The following GOLGA8B variants were observed in gnomAD, a reference collection of about 807,000 sequenced individuals.
GOLGA8B encodes the protein golgin subfamily A member 8B.
A neutral mutation model predicts 15.6 loss-of-function variants in GOLGA8B; 1 was observed. The ratio of observed to expected loss-of-function variants is 0.06; its 90% CI spans 0.02 to 0.30. The LOEUF is 0.30. Ranked by LOEUF, GOLGA8B falls within the 10% of genes least tolerant of loss-of-function variation. The pLI is 1.00. For synonymous variants in GOLGA8B, 9 were observed against 80.3 expected (o/e 0.11, Z 4.75); for missense variants, 17 against 201.3 (o/e 0.08, Z 5.54).
intron 1 of GOLGA8B, among the ~76,000 whole-genome samples, chr15:34,577,892 T>C (rs1190494598): frequency 6.6e-6 from 1 of 152,216 alleles, no homozygotes; most frequent in Non-Finnish European, 1.5e-5. Context: ...TTTATAAACA[T>C]TGTACAGTTA....
intron 1 of GOLGA8B, among the ~76,000 whole-genome samples, chr15:34,571,049 G>C (rs200573678): frequency 7.2e-3 from 962 of 133,930 alleles, no homozygotes; most frequent in South Asian, 0.036. Flanking sequence ...CTAGCGGCCG[G>C]GTAGGGTGGC....
intron 1 of GOLGA8B, among the ~76,000 whole-genome samples, chr15:34,577,074 A>G (rs1293653043): frequency 2.0e-5 from 3 of 151,392 alleles, no homozygotes; most frequent in Non-Finnish European, 4.4e-5. Context: ...GTGCAGGCAG[A>G]GCCTGGCTTC....
Position 34,527,484 on chromosome 15 carries a change from A to G in GOLGA8B, c.*148T>C. ...ACCCACTCTCTTTTAACTTTTTACA[A>G]ATAAACTTAAACTATAAATTAGAAA... is the stretch of plus-strand genomic sequence containing the variant. On this transcript the variant is annotated 3_prime_UTR_variant, in exon 24 of 24. Coordinates refer to ENST00000683415, the MANE Select transcript of GOLGA8B (RefSeq NM_001023567.5). 1 of 709,388 alleles carries G rather than the reference A, an allele frequency of 1.4e-6. No homozygotes were observed. The highest frequency in any genetic ancestry group is 2.1e-6 in the Non-Finnish European group (1 of 468,258). The allele number at this position is 709,388 out of a possible 1,614,324, so 43.9% of individuals were successfully genotyped here.
At chr15:34,576,622 C>G (rs1480694879) in intron 1 of GOLGA8B, among the ~76,000 whole-genome samples, 1 of 152,192 alleles carries the variant, frequency 6.6e-6, no homozygotes, top group African/African-American at 2.4e-5. Flanking sequence ...CTAGTAGGAG[C>G]TGTGGGTCAG....
chr15:34,567,830 A>T (rs144396581), intron 1 of GOLGA8B, among the ~76,000 whole-genome samples: 1 of 151,936 alleles, frequency 6.6e-6, no homozygotes, highest in African/African-American at 2.4e-5. Flanking sequence ...GGGTTGAGGC[A>T]CTGGACTTCT....
intron 1 of GOLGA8B, chr15:34,574,799 C>T: frequency 6.6e-6 from 1 of 152,486 alleles, no homozygotes; most frequent in Non-Finnish European, 1.5e-5. Flanking sequence ...AGACTGCCTG[C>T]AGCTCCAAAA....
At chr15:34,577,181 C>T (rs558532752) in intron 1 of GOLGA8B, among the ~76,000 whole-genome samples, 22 of 152,194 alleles carry the variant, frequency 1.4e-4, no homozygotes, top group African/African-American at 4.8e-4. Context: ...TGCTAGAGCA[C>T]ATGGCTCACT....
chr15:34,564,149 G>T (rs911398726), intron 1 of GOLGA8B, among the ~76,000 whole-genome samples: 1 of 144,632 alleles, frequency 6.9e-6, no homozygotes, highest in African/African-American at 2.5e-5. Context: ...TTGGGTAGAG[G>T]GGGTGTTACT....
At chr15:34,574,426 C>G (rs529098323) in intron 1 of GOLGA8B, among the ~76,000 whole-genome samples, 45 of 152,018 alleles carry the variant, frequency 3.0e-4, no homozygotes, top group Middle Eastern at 3.4e-3. Context: ...ACCTCAGCCT[C>G]CCAAGTAGCT....
At chr15:34,578,381 T>A (rs951345320) in intron 1 of GOLGA8B, among the ~76,000 whole-genome samples, 1 of 152,156 alleles carries the variant, frequency 6.6e-6, no homozygotes, top group Non-Finnish European at 1.5e-5. Flanking sequence ...TCAGCACGTG[T>A]TGAAAATTAG....
intron 1 of GOLGA8B, chr15:34,582,706 C>G (rs1397845154): frequency 1.3e-5 from 2 of 152,406 alleles, no homozygotes; most frequent in Admixed American, 6.5e-5. Context: ...CCTCCCTCCG[C>G]GTCGGCCCCG....
intron 1 of GOLGA8B, among the ~76,000 whole-genome samples, chr15:34,576,798 C>T (rs1028035897): frequency 6.6e-6 from 1 of 152,190 alleles, no homozygotes; most frequent in African/African-American, 2.4e-5. Context: ...AGCTTTCACG[C>T]GTACCAGCCA....
At chr15:34,574,319 T>A (rs1308229072) in intron 1 of GOLGA8B, among the ~76,000 whole-genome samples, 1 of 132,998 alleles carries the variant, frequency 7.5e-6, no homozygotes, top group Non-Finnish European at 1.6e-5. Context: ...TTTTTTTTTT[T>A]GAGAGAGAGA....
At chr15:34,580,033 G>C (rs1889188636) in intron 1 of GOLGA8B, among the ~76,000 whole-genome samples, 1 of 152,342 alleles carries the variant, frequency 6.6e-6, no homozygotes, top group African/African-American at 2.4e-5. Context: ...AATAGGTGAG[G>C]GGCTGGCCAG....
rs1382926449 is a variant in GOLGA8B at position 34,525,315 on chromosome 15, T to C, written c.*2317A>G. 1.3e-5 allele frequency: 2 copies of C among 149,930 alleles called. No homozygotes were observed. Among genetic ancestry groups the C allele is most frequent in the Admixed American group, 6.8e-5 (1 of 14,784 alleles). The allele number at this position is 149,930 out of a possible 1,614,324, so 9.3% of individuals were successfully genotyped here. On this transcript the variant is annotated 3_prime_UTR_variant, in exon 24 of 24. Transcript: ENST00000683415. Reference sequence around the variant, plus strand: ...AATTTAATAATTTATCACATTACAGTAGCATCACACCAGCAGTCAATAATG... The same window carrying C: ...AATTTAATAATTTATCACATTACAGCAGCATCACACCAGCAGTCAATAATG...
At chr15:34,583,472 T>C (rs1301822572) in intron 1 of GOLGA8B, 44 bp downstream of exon 1, 1 of 151,098 alleles carries the variant, frequency 6.6e-6, no homozygotes, top group East Asian at 2.0e-4. Context: ...CGGCCCCAGG[T>C]TGCCGCCGCC....
rs748055525 is a variant in GOLGA8B at position 34,564,465 on chromosome 15, GT to G, written c.-1122-10510del. Among the ~76,000 whole-genome samples, 13 of 147,784 alleles carry G rather than the reference GT, an allele frequency of 8.8e-5. No homozygotes were observed. The East Asian group carries it at 1.6e-3, about 18-fold the overall frequency. ...TCATATTCACATTAGAAACAGCTGAGTTTTGGAGGGAACACATTCAAACGGT... is the reference window on the plus strand; with the variant it reads ...TCATATTCACATTAGAAACAGCTGAGTTTGGAGGGAACACATTCAAACGGT... On this transcript the variant is annotated intron_variant, in intron 1 of 23. Coordinates refer to ENST00000683415, the MANE Select transcript of GOLGA8B (RefSeq NM_001023567.5).
chr15:34,573,511 T>G (rs2140353107), intron 1 of GOLGA8B, among the ~76,000 whole-genome samples: 1 of 122,042 alleles, frequency 8.2e-6, no homozygotes, highest in African/African-American at 3.3e-5. Context: ...CACTCCAGCC[T>G]GGGTGATAGA....
intron 1 of GOLGA8B, among the ~76,000 whole-genome samples, chr15:34,562,211 TTC>T (rs1204523748): frequency 4.4e-5 from 1 of 22,706 alleles, no homozygotes; most frequent in Non-Finnish European, 1.1e-4. Context: ...TTCATGTAGC[TTC>T]TCTTTCTCCA....
Sources: gnomAD v4.1 joint callset for allele counts (sites outside exome capture counted in the v4.1 genomes callset) on GRCh38, gnomAD v4.1.1 for gene constraint, MANE v1.5 for transcripts, NCBI Gene and HGNC (gene_info 2026-07-23, HGNC 2026-07-21) for gene names.